TIAM2: variants seen among roughly 807,000 people sequenced by gnomAD.
TIAM2 encodes the protein TIAM Rac1 associated GEF 2.
In TIAM2, 80 loss-of-function variants were observed where a neutral mutation model predicts 152.9. The observed-to-expected ratio is 0.52, with a 90% CI of 0.44 to 0.63. The LOEUF is 0.63. TIAM2 is among the 30% of genes least tolerant of loss of function. The probability of loss-of-function intolerance (pLI) is 0.00; values close to 1 mark genes in which losing one functional copy is unlikely to be tolerated. For synonymous variants in TIAM2, 804 were observed against 838.0 expected (o/e 0.96, Z 0.70); for missense variants, 1,965 against 2,120.1 (o/e 0.93, Z 1.44).
chr6:155,013,953 C>CACACACACACACACACACACACACACACA (rs1562289780), intron 1 of TIAM2: 1 of 150,880 alleles, frequency 6.6e-6, no homozygotes, highest in African/African-American at 2.4e-5. Flanking sequence ...CACACACACA[C>CACACACACACACACACACACACACACACA]CTGAGATGGG....
chr6:155,104,035 C>CAA (rs1778611270), intron 2 of TIAM2, among the ~76,000 whole-genome samples: 2 of 104,634 alleles, frequency 1.9e-5, no homozygotes, highest in Admixed American at 1.0e-4. Flanking sequence ...ACCTCACACA[C>CAA]ACACACCCCC....
chr6:155,222,128 A>C (rs1782066876), intron 15 of TIAM2, among the ~76,000 whole-genome samples: 1 of 151,360 alleles, frequency 6.6e-6, no homozygotes, highest in African/African-American at 2.4e-5. Context: ...TAATTTTTGT[A>C]TTTTTACTAG....
At position 155,245,728 on chromosome 6, in the gene TIAM2, C is replaced by A. The variant is rs755512210; in HGVS notation, c.3649C>A (p.Arg1217=). The A allele has an allele frequency of 6.6e-7, 1 of 1,506,940 alleles. No individual in the cohort carries two copies. Among genetic ancestry groups the A allele is most frequent in the East Asian group, 2.3e-5 (1 of 43,572 alleles). The allele number at this position is 1,506,940 out of a possible 1,614,324, so 93.3% of individuals were successfully genotyped here. ...NHIKVQKVLE[R]AKTDKAFKAF... ...TATCAAAGTACAGAAGGTTCTGGAGCGAGGTAAGTTGCTTATGCCTTTTAT... is the reference window on the plus strand; with the variant it reads ...TATCAAAGTACAGAAGGTTCTGGAGAGAGGTAAGTTGCTTATGCCTTTTAT... The change falls in exon 19 of 27, where the codon CGA becomes AGA. Residue 1217 remains arginine (R), a synonymous_variant. Transcript: ENST00000682666.
rs117221884 is a variant in TIAM2 at position 155,145,185 on chromosome 6, G to A, written c.1803+407G>A. 2.5e-3 allele frequency among the ~76,000 whole-genome samples: 375 copies of A among 152,298 alleles called. 5 individuals are homozygous for A. The highest frequency in any genetic ancestry group is 0.01 in the South Asian group (50 of 4,824). ...GTTCTTGCCACGGATCTCAGTGGATGTCAAAAGTTTTCAGGAAAACCCTCA... is the reference window on the plus strand; with the variant it reads ...GTTCTTGCCACGGATCTCAGTGGATATCAAAAGTTTTCAGGAAAACCCTCA... On this transcript the variant is annotated intron_variant, in intron 6 of 26. Coordinates refer to ENST00000682666, the MANE Select transcript of TIAM2 (RefSeq NM_012454.4).
chr6:155,064,757 A>G (rs1349718150), intron 1 of TIAM2, among the ~76,000 whole-genome samples: 2 of 152,124 alleles, frequency 1.3e-5, no homozygotes, highest in Admixed American at 6.6e-5. Context: ...TTCAGGCCGC[A>G]TATTTATTCC....
chr6:155,086,386 C>A (rs1778170721), intron 1 of TIAM2, among the ~76,000 whole-genome samples: 2 of 152,128 alleles, frequency 1.3e-5, no homozygotes, highest in Admixed American at 6.5e-5. Context: ...ATTCTATAAT[C>A]CTGCTTAAAA....
At chr6:155,147,870 C>T (rs1008179516) in intron 6 of TIAM2, among the ~76,000 whole-genome samples, 2 of 152,166 alleles carry the variant, frequency 1.3e-5, no homozygotes, top group South Asian at 4.1e-4. Context: ...GGCTAGCACT[C>T]GTTTCTGGTT....
chr6:155,110,141 C>T (rs939103109), intron 2 of TIAM2, among the ~76,000 whole-genome samples: 11 of 151,418 alleles, frequency 7.3e-5, no homozygotes, highest in Admixed American at 1.3e-4. Flanking sequence ...TTAGTAGAGA[C>T]GGGGTTTCAC....
intron 1 of TIAM2, among the ~76,000 whole-genome samples, chr6:155,056,135 A>G (rs186257352): frequency 2.7e-5 from 4 of 147,814 alleles, no homozygotes; most frequent in Non-Finnish European, 3.0e-5. Flanking sequence ...GATGCTGTCT[A>G]ATTGGTTCTA....
chr6:154,999,985 C>G (rs1356322621), intron 1 of TIAM2, among the ~76,000 whole-genome samples: 3 of 152,034 alleles, frequency 2.0e-5, no homozygotes, highest in Non-Finnish European at 4.4e-5. Context: ...CCTCTTGTAA[C>G]TCCTTAAATC....
chr6:155,018,512 A>C (rs962919655), intron 1 of TIAM2, among the ~76,000 whole-genome samples: 3 of 150,406 alleles, frequency 2.0e-5, no homozygotes. Context: ...CCAGCTACTC[A>C]GGAGGCTGAG....
intron 1 of TIAM2, among the ~76,000 whole-genome samples, chr6:155,011,939 C>A (rs1455133178): frequency 1.3e-5 from 2 of 152,134 alleles, no homozygotes; most frequent in East Asian, 3.9e-4. Context: ...AGAGGCTCAG[C>A]TTTTCTGAGT....
Position 155,179,108 on chromosome 6 carries a change from T to C in TIAM2, c.2593T>C (p.Cys865Arg), listed in dbSNP as rs1780828732. 2 of 1,614,042 alleles carry C rather than the reference T, an allele frequency of 1.2e-6. No homozygotes were observed. Among genetic ancestry groups the C allele is most frequent in the Non-Finnish European group, 1.7e-6 (2 of 1,180,018 alleles). Residue 865 changes from cysteine to arginine, a missense_variant, in exon 11 of 27, where the codon TGC becomes CGC. Cys to Arg is a radical substitution (Grantham distance 180). Around this residue, in one of 3 missense-constraint regions of TIAM2, gnomAD observed 1,025 missense variants for 1,119.4 expected, o/e 0.92. Coordinates refer to ENST00000682666, the MANE Select transcript of TIAM2 (RefSeq NM_012454.4). ...RKLVDDNVEY[C>R]IPAPYEYMQQ... ...ATTAGTAGATGACAATGTTGAGTAT[T>C]GCATCCCTGCACCATATGAATATAT...
chr6:155,100,049 TCG>T (rs1778520944), intron 2 of TIAM2, among the ~76,000 whole-genome samples: 2 of 61,604 alleles, frequency 3.2e-5, no homozygotes, highest in African/African-American at 1.0e-4. Context: ...ATGCAGTCTG[TCG>T]TCGGCTATTA....
chr6:155,018,159 GC>G (rs1778630184), intron 1 of TIAM2, among the ~76,000 whole-genome samples: 1 of 151,246 alleles, frequency 6.6e-6, no homozygotes, highest in Admixed American at 6.6e-5. Flanking sequence ...GATCACTTGA[GC>G]CCATGAGTTC....
chr6:155,215,191 A>G (rs892303304), intron 15 of TIAM2, among the ~76,000 whole-genome samples: 4 of 152,224 alleles, frequency 2.6e-5, no homozygotes, highest in African/African-American at 9.6e-5. Context: ...TAGATATGCA[A>G]AAAGTTAGCA....
intron 1 of TIAM2, among the ~76,000 whole-genome samples, chr6:155,040,338 C>G (rs1777003293): frequency 1.3e-5 from 2 of 152,086 alleles, no homozygotes; most frequent in Admixed American, 1.3e-4. Flanking sequence ...TTAGGGGAGC[C>G]ATTATCATTG....
intron 16 of TIAM2, among the ~76,000 whole-genome samples, chr6:155,242,392 A>T (rs1201770677): frequency 6.6e-6 from 1 of 152,102 alleles, no homozygotes; most frequent in African/African-American, 2.4e-5. Flanking sequence ...GAAATTTTTG[A>T]CATCTATGTG....
rs1782980841 is a variant in TIAM2, at chr6:155,240,544, C to G, written c.3183C>G (p.Ile1061Met). 6.2e-7 allele frequency: 1 copy of G among 1,613,466 alleles called. No individual in the cohort carries two copies. Among genetic ancestry groups the G allele is most frequent in the African/African-American group, 1.3e-5 (1 of 74,942 alleles). ...TCCTCTCTCAGAGTGCTGAGCAGAT[C>G]ACTGCACTGTGCAGGAGTTTTAACG... The part of the protein sequence containing the change: ...MEQTFRSAEQ[I>M]TALCRSFNDS... Residue 1061 changes from isoleucine (I) to methionine (M), a missense_variant, in exon 16 of 27, where the codon ATC becomes ATG. By Grantham distance (10) the Ile-to-Met change is conservative. Around this residue, in one of 3 missense-constraint regions of TIAM2, gnomAD observed 935 missense variants for 980.0 expected, o/e 0.95. Coordinates refer to ENST00000682666, the MANE Select transcript of TIAM2 (RefSeq NM_012454.4).
Sources: gnomAD v4.1 joint callset for allele counts (sites outside exome capture counted in the v4.1 genomes callset) on GRCh38, gnomAD v4.1.1 for gene constraint, gnomAD v4.1.1 regional missense constraint, MANE v1.5 for transcripts, NCBI Gene and HGNC (gene_info 2026-07-23, HGNC 2026-07-21) for gene names.